The following PPP1R1C variants were observed in gnomAD, a reference collection of about 807,000 sequenced individuals.
PPP1R1C encodes protein phosphatase 1 regulatory subunit 1C.
Under a neutral mutation model 17.4 loss-of-function variants are expected in PPP1R1C, and 15 were observed. The observed-to-expected ratio is 0.86, with a 90% confidence interval of 0.58 to 1.33. PPP1R1C has a LOEUF of 1.33. PPP1R1C is among the 40% of genes most tolerant of loss of function. The probability of loss-of-function intolerance (pLI) is 0.00; values close to 1 mark genes in which losing one functional copy is unlikely to be tolerated. For synonymous variants in PPP1R1C, 35 were observed against 43.1 expected (o/e 0.81, Z 0.73); for missense variants, 143 against 130.0 (o/e 1.10, Z -0.48).
At chr2:182,082,424 T>C (rs1419074835) in intron 4 of PPP1R1C, among the ~76,000 whole-genome samples, 2 of 152,130 alleles carry the variant, frequency 1.3e-5, no homozygotes, top group Non-Finnish European at 2.9e-5. Context: ...TGTGTGCACG[T>C]GTCTGGCATA....
intron 2 of PPP1R1C, among the ~76,000 whole-genome samples, chr2:181,989,801 T>A (rs748145657): frequency 1.9e-4 from 29 of 152,170 alleles, no homozygotes; most frequent in Admixed American, 6.5e-5. Context: ...TTTTAGTACA[T>A]CACCTGCCTG....
chr2:181,966,066 C>G (rs931253631), intron 1 of PPP1R1C, among the ~76,000 whole-genome samples: 5 of 151,956 alleles, frequency 3.3e-5, no homozygotes, highest in Non-Finnish European at 5.9e-5. Context: ...TTGCTTGTAG[C>G]AATTGTAAAG....
chr2:182,110,820 A>G (rs1239832464), intron 4 of PPP1R1C, among the ~76,000 whole-genome samples: 1 of 152,102 alleles, frequency 6.6e-6, no homozygotes, highest in Non-Finnish European at 1.5e-5. Flanking sequence ...GTCTCTTTCT[A>G]AAGTGAAATT....
Position 181,962,288 on chromosome 2 carries a change from G to T in PPP1R1C, n.111+7654G>T. ...TGCCAGACCCCCGGCCATCCCCGCG[G>T]CCAGGTCCCCGGACCCCATGCCACC... On this transcript the variant is annotated intron_variant and non_coding_transcript_variant, in intron 1 of 5. Transcript: ENST00000464264. The surrounding 1 kb of genome is among the most constrained non-coding windows in gnomAD (Gnocchi z 6.0). The T allele has an allele frequency of 1.3e-6, 1 of 756,924 alleles. No homozygotes were observed. The allele number at this position is 756,924 out of a possible 1,614,324, so 46.9% of individuals were successfully genotyped here. A position where few individuals can be genotyped will look rare whatever the true frequency, so the allele number is the denominator to read the frequency against.
chr2:182,106,262 C>G (rs575226218), intron 4 of PPP1R1C, among the ~76,000 whole-genome samples: 40 of 152,250 alleles, frequency 2.6e-4, no homozygotes, highest in African/African-American at 8.9e-4. Context: ...TTTCAAGCCC[C>G]AATGTTGCAT....
intron 1 of PPP1R1C, among the ~76,000 whole-genome samples, chr2:181,966,070 T>C (rs1237131954): frequency 2.6e-5 from 4 of 152,178 alleles, no homozygotes; most frequent in Non-Finnish European, 5.9e-5. Context: ...TTGTAGCAAT[T>C]GTAAAGGTAA....
At chr2:181,963,755 A>C (rs1684851367) in intron 1 of PPP1R1C, among the ~76,000 whole-genome samples, 1 of 152,134 alleles carries the variant, frequency 6.6e-6, no homozygotes, top group Non-Finnish European at 1.5e-5. Flanking sequence ...TGAAGTTGTG[A>C]AAGACAAAAA....
downstream of PPP1R1C, among the ~76,000 whole-genome samples, chr2:182,121,910 A>C (rs150762997): frequency 0.015 from 2,279 of 152,212 alleles, 34 homozygotes; most frequent in South Asian, 0.059. Context: ...TCTTTGATTC[A>C]TCTCTGAAAA....
At chr2:182,045,053 A>G (rs1559070063) in intron 2 of PPP1R1C, among the ~76,000 whole-genome samples, 1 of 152,128 alleles carries the variant, frequency 6.6e-6, no homozygotes, top group African/African-American at 2.4e-5. Flanking sequence ...ATCTTGTTAC[A>G]TGTCTGTCCT....
rs746347869 is a variant in PPP1R1C, at chr2:181,961,712, C to A, written n.111+7078C>A. ...TCTCAGTTCTTTCGAGTCAGCTCAT[C>A]ATATTGGGCCCGGATATCTGCTATG... On this transcript the variant is annotated intron_variant and non_coding_transcript_variant, in intron 1 of 5. Coordinates refer to the PPP1R1C transcript ENST00000464264. This position sits in a 1 kb window ranked among gnomAD's most constrained non-coding sequence, Gnocchi z 5.8. The A allele has an allele frequency of 3.7e-6, 3 of 815,484 alleles. No individual in the cohort carries two copies. Among genetic ancestry groups the A allele is most frequent in the Non-Finnish European group, 6.4e-6 (3 of 468,532 alleles). 50.5% of individuals were successfully genotyped at this position (815,484 alleles called of 1,614,324 possible).
intron 4 of PPP1R1C, among the ~76,000 whole-genome samples, chr2:182,102,132 T>C (rs1689113817): frequency 6.6e-6 from 1 of 152,198 alleles, no homozygotes; most frequent in Admixed American, 6.5e-5. Flanking sequence ...TAAAAAATCA[T>C]TTATGGTACA....
At chr2:182,118,502 A>G (rs1021015052), downstream of PPP1R1C, among the ~76,000 whole-genome samples, 9 of 152,188 alleles carry the variant, frequency 5.9e-5, no homozygotes, top group Non-Finnish European at 1.3e-4. Context: ...AGATTTCTCA[A>G]AAGTCAGTAA....
At chr2:181,974,668 A>T (rs2125134846) in intron 1 of PPP1R1C, among the ~76,000 whole-genome samples, 1 of 152,310 alleles carries the variant, frequency 6.6e-6, no homozygotes, top group Admixed American at 6.5e-5. Flanking sequence ...TTCAGAAACA[A>T]TTTGAGAATG....
At chr2:182,045,461 T>A (rs905593869) in intron 2 of PPP1R1C, among the ~76,000 whole-genome samples, 1 of 151,916 alleles carries the variant, frequency 6.6e-6, no homozygotes, top group Non-Finnish European at 1.5e-5. Context: ...AAACTTCCAT[T>A]GATGATAGGA....
At chr2:182,104,858 C>T (rs888482857) in intron 4 of PPP1R1C, among the ~76,000 whole-genome samples, 9 of 152,084 alleles carry the variant, frequency 5.9e-5, no homozygotes, top group South Asian at 2.1e-4. Context: ...AAATGTTTGG[C>T]GGAATTCAGC....
chr2:182,073,271 T>C (rs1047445002), intron 4 of PPP1R1C, among the ~76,000 whole-genome samples: 1 of 152,258 alleles, frequency 6.6e-6, no homozygotes, highest in East Asian at 1.9e-4. Flanking sequence ...GCAGGGCCCA[T>C]GTCCTATTTG....
chr2:182,083,208 C>T (rs1688532421), intron 4 of PPP1R1C, among the ~76,000 whole-genome samples: 1 of 152,128 alleles, frequency 6.6e-6, no homozygotes, highest in Non-Finnish European at 1.5e-5. Context: ...GTCTTCAAAA[C>T]AAAGATTTGA....
intron 2 of PPP1R1C, among the ~76,000 whole-genome samples, chr2:182,034,216 A>G (rs1020586301): frequency 1.3e-5 from 2 of 152,212 alleles, no homozygotes; most frequent in African/African-American, 4.8e-5. Flanking sequence ...GGACAGGAAG[A>G]CAAAGTTAAA....
chr2:182,072,378 A>T (rs919142467), intron 4 of PPP1R1C, among the ~76,000 whole-genome samples: 13 of 152,252 alleles, frequency 8.5e-5, no homozygotes, highest in Non-Finnish European at 1.5e-4. Flanking sequence ...CAAAGATTTT[A>T]AAAAAGATGT....
Sources: gnomAD v4.1 joint callset for allele counts (sites outside exome capture counted in the v4.1 genomes callset) on GRCh38, gnomAD v4.1.1 for gene constraint, Gnocchi (gnomAD v3.1) non-coding constraint, MANE v1.5 for transcripts, NCBI Gene and HGNC (gene_info 2026-07-23, HGNC 2026-07-21) for gene names.